SLC35F4: variants seen among roughly 807,000 people sequenced by gnomAD.
SLC35F4 encodes chromosome 14 open reading frame 36.
A neutral mutation model predicts 44.2 loss-of-function variants in SLC35F4; 24 were observed. That is an observed-to-expected ratio of 0.54 (90% confidence interval 0.39 to 0.76). The LOEUF is 0.76. SLC35F4 is among the 30% of genes least tolerant of loss of function. SLC35F4 has a pLI of 0.00. For synonymous variants in SLC35F4, 238 were observed against 223.6 expected (o/e 1.06, Z -0.57); for missense variants, 562 against 586.1 (o/e 0.96, Z 0.42).
downstream of SLC35F4, chr14:57,976,724 C>A (rs1280801335): frequency 4.6e-5 from 7 of 152,204 alleles, no homozygotes; most frequent in Non-Finnish European, 1.0e-4. Flanking sequence ...ATCAACTCAG[C>A]CTGTGACACT....
At chr14:57,572,129 CT>C (rs1465978836) in intron 4 of SLC35F4, 110 bp from the exon 5 acceptor site, 12 of 1,258,874 alleles carry the variant, frequency 9.5e-6, no homozygotes, top group Non-Finnish European at 1.3e-5. Context: ...ACCTAATTAC[CT>C]TTTGTACATC....
At chr14:57,691,276 C>G (rs181365416) in intron 1 of SLC35F4, among the ~76,000 whole-genome samples, 64 of 152,266 alleles carry the variant, frequency 4.2e-4, no homozygotes, top group African/African-American at 1.5e-3. Flanking sequence ...AGATGAAATG[C>G]TAGTTAACAT....
chr14:57,577,067 G>A (rs1429962830), intron 4 of SLC35F4, among the ~76,000 whole-genome samples: 2 of 152,126 alleles, frequency 1.3e-5, no homozygotes, highest in African/African-American at 4.8e-5. Context: ...TGGAAGCTCT[G>A]GGCAGAGAAT....
At chr14:57,572,083 T>C in intron 4 of SLC35F4, 64 bp from the exon 5 acceptor site, 9 of 1,560,722 alleles carry the variant, frequency 5.8e-6, no homozygotes, top group Non-Finnish European at 7.8e-6. Context: ...AGCAGGCAAT[T>C]CAAGACTTCC....
At chr14:57,899,209 G>A (rs1325238987) in intron 1 of SLC35F4, among the ~76,000 whole-genome samples, 1 of 152,134 alleles carries the variant, frequency 6.6e-6, no homozygotes, top group East Asian at 1.9e-4. Flanking sequence ...CGTATTACAC[G>A]AAGCACTTCA....
At chr14:57,730,903 T>C (rs1385696426) in intron 1 of SLC35F4, among the ~76,000 whole-genome samples, 1 of 152,174 alleles carries the variant, frequency 6.6e-6, no homozygotes, top group Non-Finnish European at 1.5e-5. Flanking sequence ...GATCAAAATG[T>C]CATATTACAT....
intron 1 of SLC35F4, among the ~76,000 whole-genome samples, chr14:57,673,647 T>C (rs1032424947): frequency 5.3e-5 from 8 of 151,820 alleles, no homozygotes; most frequent in Non-Finnish European, 1.2e-4. Context: ...AAGAAATGCC[T>C]ACTGTGGCAG....
intron 1 of SLC35F4, among the ~76,000 whole-genome samples, chr14:57,905,083 T>C (rs975179022): frequency 3.3e-5 from 5 of 152,248 alleles, no homozygotes; most frequent in Non-Finnish European, 7.3e-5. Context: ...TAGGTGGTTT[T>C]GGCTTGAGCC....
intron 1 of SLC35F4, among the ~76,000 whole-genome samples, chr14:57,726,839 G>A (rs552638965): frequency 1.3e-5 from 2 of 152,248 alleles, no homozygotes; most frequent in East Asian, 3.9e-4. Context: ...TTGAATTAGT[G>A]GGCTGGGAAA....
chr14:57,724,838 T>C (rs1285549829), intron 1 of SLC35F4, among the ~76,000 whole-genome samples: 1 of 152,210 alleles, frequency 6.6e-6, no homozygotes, highest in African/African-American at 2.4e-5. Context: ...AAAGGAAATC[T>C]TCCCAGTGGG....
intron 1 of SLC35F4, among the ~76,000 whole-genome samples, chr14:57,880,839 G>A (rs551717444): frequency 3.3e-5 from 5 of 152,208 alleles, no homozygotes; most frequent in African/African-American, 1.2e-4. Flanking sequence ...CAGACTCCTC[G>A]AAGAGGAACT....
At chr14:57,731,947 T>C (rs780602411) in intron 1 of SLC35F4, among the ~76,000 whole-genome samples, 18 of 152,194 alleles carry the variant, frequency 1.2e-4, no homozygotes, top group Non-Finnish European at 1.9e-4. Context: ...GTTAATATCA[T>C]TGAACCTAGA....
At chr14:57,587,742 G>A (rs2069859216) in intron 3 of SLC35F4, among the ~76,000 whole-genome samples, 1 of 152,014 alleles carries the variant, frequency 6.6e-6, no homozygotes. Flanking sequence ...TGCACGTTCT[G>A]CCCATGTATC....
intron 1 of SLC35F4, among the ~76,000 whole-genome samples, chr14:57,685,389 G>C (rs2140315523): frequency 6.6e-6 from 1 of 152,274 alleles, no homozygotes; most frequent in East Asian, 1.9e-4. Context: ...ATTTGAAGAA[G>C]AGAACAGAAA....
chr14:57,671,405 A>G (rs2074518538), intron 1 of SLC35F4, among the ~76,000 whole-genome samples: 1 of 151,990 alleles, frequency 6.6e-6, no homozygotes, highest in African/African-American at 2.4e-5. Flanking sequence ...CTCCAGCAGG[A>G]TAGGGTACTG....
intron 1 of SLC35F4, among the ~76,000 whole-genome samples, chr14:57,794,097 A>T (rs1003238670): frequency 1.3e-5 from 2 of 152,180 alleles, no homozygotes; most frequent in Admixed American, 1.3e-4. Context: ...ACCCCAAGCC[A>T]TAAAAATTCT....
At chr14:57,664,629 T>A (rs576794966) in intron 1 of SLC35F4, among the ~76,000 whole-genome samples, 27 of 152,260 alleles carry the variant, frequency 1.8e-4, no homozygotes, top group African/African-American at 6.5e-4. Flanking sequence ...TAAGCTGGTC[T>A]CGAACTCCTG....
intron 1 of SLC35F4, among the ~76,000 whole-genome samples, chr14:57,768,822 G>A (rs985285635): frequency 2.0e-4 from 30 of 151,878 alleles, no homozygotes; most frequent in African/African-American, 6.0e-4. Context: ...GCGCAATCTC[G>A]GCTCACTACA....
chr14:57,896,845 T>C (rs772019369), intron 1 of SLC35F4, among the ~76,000 whole-genome samples: 10 of 151,450 alleles, frequency 6.6e-5, no homozygotes, highest in Admixed American at 4.0e-4. Flanking sequence ...AATTACATAA[T>C]GTATGTAAAA....
Sources: allele counts gnomAD v4.1 joint callset (sites outside exome capture counted in the v4.1 genomes callset), GRCh38; gene constraint gnomAD v4.1.1; transcripts MANE v1.5; gene names NCBI Gene and HGNC (gene_info 2026-07-23, HGNC 2026-07-21).